Variants in UTS2B observed in about 807,000 individuals in gnomAD.
UTS2B encodes the protein urotensin-2B.
A neutral mutation model predicts 19.2 loss-of-function variants in UTS2B; 21 were observed. The ratio of observed to expected loss-of-function variants is 1.09; its 90% CI spans 0.78 to 1.58. The LOEUF is 1.58. Ranked by LOEUF, UTS2B falls within the 40% of genes most tolerant of loss-of-function variation. UTS2B has a pLI of 0.00. For synonymous variants in UTS2B, 57 were observed against 50.2 expected (o/e 1.14, Z -0.58); for missense variants, 138 against 130.3 (o/e 1.06, Z -0.29).
chr3:191,328,892 A>C (rs1281708804), intron 1 of UTS2B, 183 bp from the exon 2 acceptor site: 3 of 152,196 alleles, frequency 2.0e-5, no homozygotes, highest in Non-Finnish European at 4.4e-5. Flanking sequence ...ACTCTACTCC[A>C]AACTGGCCCA....
chr3:191,328,556 C>T (rs530056166), intron 2 of UTS2B, 75 bp downstream of exon 2: 3 of 152,438 alleles, frequency 2.0e-5, no homozygotes, highest in Middle Eastern at 3.3e-3. Flanking sequence ...GAACCCATGT[C>T]GGTGGAGGAA....
At chr3:191,287,153 T>C (rs1222771538) in intron 4 of UTS2B, among the ~76,000 whole-genome samples, 5 of 152,122 alleles carry the variant, frequency 3.3e-5, no homozygotes, top group Non-Finnish European at 5.9e-5. Flanking sequence ...AAAAATCTGA[T>C]AGCTTCATTG....
intron 7 of UTS2B, among the ~76,000 whole-genome samples, chr3:191,275,634 T>C (rs750118114): frequency 6.6e-5 from 10 of 151,614 alleles, no homozygotes; most frequent in East Asian, 1.9e-4. Flanking sequence ...GAGCCGAGAT[T>C]GCACCACTGT....
chr3:191,334,463 G>T (rs78694997), upstream of UTS2B, among the ~76,000 whole-genome samples: 1,428 of 152,226 alleles, frequency 9.4e-3, 16 homozygotes, highest in African/African-American at 0.033. Flanking sequence ...TTTAAAAAGA[G>T]ATTTCAGAGT....
At chr3:191,328,021 T>A (rs1371344341) in intron 2 of UTS2B, among the ~76,000 whole-genome samples, 1 of 152,186 alleles carries the variant, frequency 6.6e-6, no homozygotes, top group Non-Finnish European at 1.5e-5. Flanking sequence ...TTATGTCCTA[T>A]TTATGTAGTG....
At chr3:191,293,182 CTATATT>C (rs1716763941) in intron 4 of UTS2B, among the ~76,000 whole-genome samples, 1 of 145,670 alleles carries the variant, frequency 6.9e-6, no homozygotes, top group South Asian at 2.2e-4. Context: ...ACTTTTGCAT[CTATATT>C]TATAAGAGAT....
At chr3:191,295,928 A>G (rs934770310) in intron 4 of UTS2B, among the ~76,000 whole-genome samples, 1 of 152,170 alleles carries the variant, frequency 6.6e-6, no homozygotes, top group African/African-American at 2.4e-5. Flanking sequence ...AATACCCTCA[A>G]TAAGAAGTCT....
Position 191,328,424 on chromosome 3 carries a change from C to T in UTS2B, c.-586+207G>A, listed in dbSNP as rs527500990. On this transcript the variant is annotated intron_variant, in intron 2 of 8. Coordinates refer to ENST00000340524, the MANE Select transcript of UTS2B (RefSeq NM_198152.5). ...TTTCTCTTCTCTTTGCTTCTGTCTT[C>T]AGTTTGGCCTCATCATCTCCTAGAG... 3 of 152,484 alleles carry T rather than the reference C, an allele frequency of 2.0e-5. No individual in the cohort carries two copies. The East Asian group carries it at 5.8e-4, about 29-fold the overall frequency. 9.4% of individuals were successfully genotyped at this position (152,484 alleles called of 1,614,324 possible).
chr3:191,317,369 C>T (rs1036015961), intron 2 of UTS2B, among the ~76,000 whole-genome samples: 1 of 152,314 alleles, frequency 6.6e-6, no homozygotes, highest in Non-Finnish European at 1.5e-5. Context: ...CCCTGGTTCC[C>T]GTCTGCACCT....
At chr3:191,282,665 C>A (rs2108576037) in intron 4 of UTS2B, among the ~76,000 whole-genome samples, 1 of 152,288 alleles carries the variant, frequency 6.6e-6, no homozygotes, top group African/African-American at 2.4e-5. Flanking sequence ...CAATGTCTTT[C>A]ATTTGACTAC....
In UTS2B at chr3:191,305,195, T is replaced by G. The variant is rs1286111676; in HGVS notation, c.-181-647A>C. Among the ~76,000 whole-genome samples the G allele has an allele frequency of 3.3e-5, 5 of 152,202 alleles. No individual in the cohort carries two copies. In the South Asian group the frequency reaches 6.2e-4, roughly 19 times the overall value. Reference sequence around the variant, plus strand: ...TTGGGTATATACCTAGTAATGGGATTGCTGGGTCAAATGGTATTTTGTCTT... The same window carrying G: ...TTGGGTATATACCTAGTAATGGGATGGCTGGGTCAAATGGTATTTTGTCTT... On this transcript the variant is annotated intron_variant, in intron 3 of 8. Coordinates refer to ENST00000340524, the MANE Select transcript of UTS2B (RefSeq NM_198152.5).
At chr3:191,330,185 A>C (rs539588479) in intron 1 of UTS2B, among the ~76,000 whole-genome samples, 5 of 152,144 alleles carry the variant, frequency 3.3e-5, no homozygotes, top group African/African-American at 1.2e-4. Context: ...TACTTTTCCT[A>C]GGCCGGCGTC....
intron 1 of UTS2B, chr3:191,329,500 C>T (rs1717867203): frequency 1.8e-6 from 1 of 554,634 alleles, no homozygotes; most frequent in Non-Finnish European, 3.0e-6. Context: ...GACCGTCTCC[C>T]GCTGCTTTGG....
At chr3:191,329,414 T>TCC (rs1717860584) in intron 1 of UTS2B, 1 of 425,122 alleles carries the variant, frequency 2.4e-6, no homozygotes, top group Non-Finnish European at 4.1e-6. Context: ...TCCGGATATT[T>TCC]GGTATCGATT....
chr3:191,278,932 T>C (rs755199940), intron 5 of UTS2B, among the ~76,000 whole-genome samples: 2 of 152,106 alleles, frequency 1.3e-5, no homozygotes, highest in Non-Finnish European at 2.9e-5. Context: ...ATAATTTCTG[T>C]AAGATCATCT....
At chr3:191,307,523 G>C (rs777959208) in intron 3 of UTS2B, among the ~76,000 whole-genome samples, 4 of 152,204 alleles carry the variant, frequency 2.6e-5, no homozygotes, top group African/African-American at 9.6e-5. Context: ...ATAAACAGTC[G>C]ATTGCCGAGT....
chr3:191,312,120 C>G (rs1450822884), intron 3 of UTS2B, among the ~76,000 whole-genome samples: 5 of 151,128 alleles, frequency 3.3e-5, no homozygotes, highest in African/African-American at 1.2e-4. Flanking sequence ...CCACTGCACT[C>G]CAGCGTGGGT....
At chr3:191,283,624 C>T (rs142156348) in intron 4 of UTS2B, among the ~76,000 whole-genome samples, 94 of 152,090 alleles carry the variant, frequency 6.2e-4, no homozygotes, top group African/African-American at 2.0e-3. Context: ...TAGTGGTTTG[C>T]GGGAAAAATG....
intron 3 of UTS2B, among the ~76,000 whole-genome samples, chr3:191,305,605 T>C (rs1189579025): frequency 6.6e-6 from 1 of 152,200 alleles, no homozygotes; most frequent in Admixed American, 6.5e-5. Context: ...TCTCCCATTA[T>C]GTAGGTTATT....
Sources: gnomAD v4.1 joint callset for allele counts (sites outside exome capture counted in the v4.1 genomes callset) on GRCh38, gnomAD v4.1.1 for gene constraint, MANE v1.5 for transcripts, NCBI Gene and HGNC (gene_info 2026-07-23, HGNC 2026-07-21) for gene names.